RAB27A: variants seen among roughly 807,000 people sequenced by gnomAD.
RAB27A encodes the protein RAB27A, member RAS oncogene family, also known as ras-related protein Rab-27A.
Under a neutral mutation model 20.8 loss-of-function variants are expected in RAB27A, and 17 were observed. That is an observed-to-expected ratio of 0.82 (90% confidence interval 0.56 to 1.23). The LOEUF is 1.23. Ranked by LOEUF, RAB27A falls within the 50% of genes most tolerant of loss-of-function variation. RAB27A has a pLI of 0.00. For synonymous variants in RAB27A, 85 were observed against 92.8 expected (o/e 0.92, Z 0.48); for missense variants, 277 against 266.7 (o/e 1.04, Z -0.27).
rs537157892 is a variant in RAB27A, at chr15:55,306,329, TTAG to T, written c.-112+7707_-112+7709del. 4.6e-5 allele frequency among the ~76,000 whole-genome samples: 7 copies of T among 152,098 alleles called. No individual in the cohort carries two copies. In the South Asian group the frequency reaches 1.5e-3, roughly 32 times the overall value. On this transcript the variant is annotated intron_variant, in intron 2 of 5. Transcript: ENST00000563262. ...GTGCAGAGGGAGGCACATCCAACAGTTAGTAGGGTTTTGGGCCGAGACCTCATG... is the reference window on the plus strand; with the variant it reads ...GTGCAGAGGGAGGCACATCCAACAGTTAGGGTTTTGGGCCGAGACCTCATG...
chr15:55,244,038 C>A lies in RAB27A; in HGVS notation c.-22-9082G>T, dbSNP rs939206228. Among the ~76,000 whole-genome samples the A allele has an allele frequency of 6.6e-5, 10 of 152,260 alleles. No individual in the cohort carries two copies. The East Asian group carries it at 1.9e-3, about 29-fold the overall frequency. On this transcript the variant is annotated intron_variant, in intron 2 of 6. Transcript: ENST00000336787. The stretch of plus-strand genomic sequence containing the variant: ...AAGCTTGGGCGGGCACAGTGGCTCA[C>A]ACCTGTAATCCCAGCACTTTGGGAG...
intron 6 of RAB27A, among the ~76,000 whole-genome samples, chr15:55,218,976 A>T (rs1895440948): frequency 6.6e-6 from 1 of 152,066 alleles, no homozygotes; most frequent in East Asian, 1.9e-4. Flanking sequence ...TCCTGAGCTC[A>T]GGTGATCCAC....
chr15:55,245,337 A>G (rs1007427175), intron 2 of RAB27A, among the ~76,000 whole-genome samples: 1 of 152,200 alleles, frequency 6.6e-6, no homozygotes, highest in African/African-American at 2.4e-5. Context: ...GGAAAAAATG[A>G]TGTTATAAAC....
intron 6 of RAB27A, among the ~76,000 whole-genome samples, chr15:55,210,015 T>C (rs1894900999): frequency 6.9e-6 from 1 of 144,564 alleles, no homozygotes; most frequent in South Asian, 2.1e-4. Flanking sequence ...TACATGTACA[T>C]ATATACGCAT....
chr15:55,234,877 CA>C lies in RAB27A; in HGVS notation c.57del (p.Val20Ter). ...TGGTAAAGTACACTGGTCTTCCCTA[CA>C]CCAGAGTCTCCCAAAGCTAAAAACT... ...LIKFLALGDS[G>X]VGKTSVLYQY... is the part of the protein sequence containing the mutation. On this transcript the variant is annotated frameshift_variant, in exon 3 of 7. Transcript: ENST00000336787. LOFTEE classifies it high-confidence loss of function. 1 of 1,611,972 alleles carries C rather than the reference CA, an allele frequency of 6.2e-7. No individual in the cohort carries two copies. The highest frequency in any genetic ancestry group is 8.5e-7 in the Non-Finnish European group (1 of 1,178,374).
chr15:55,223,357 A>G (rs1326140101), intron 6 of RAB27A, among the ~76,000 whole-genome samples: 1 of 151,796 alleles, frequency 6.6e-6, no homozygotes, highest in Non-Finnish European at 1.5e-5. Flanking sequence ...AAAAATACAA[A>G]AATTAGCCGG....
intron 2 of RAB27A, among the ~76,000 whole-genome samples, chr15:55,251,366 C>A (rs1896883684): frequency 6.6e-6 from 1 of 152,066 alleles, no homozygotes; most frequent in South Asian, 2.1e-4. Flanking sequence ...GGAAATGAGT[C>A]CTGGAAAAAT....
intron 2 of RAB27A, among the ~76,000 whole-genome samples, chr15:55,310,348 G>A (rs1483921025): frequency 2.6e-5 from 4 of 152,148 alleles, no homozygotes; most frequent in African/African-American, 9.7e-5. Flanking sequence ...GGGGCTCTGT[G>A]AGGGTGATGG....
upstream of RAB27A, among the ~76,000 whole-genome samples, chr15:55,291,127 G>A (rs111382553): frequency 1.2e-4 from 18 of 152,252 alleles, no homozygotes; most frequent in African/African-American, 3.9e-4. Flanking sequence ...CAGTAAACTC[G>A]GGTTTAGAGA....
chr15:55,262,036 CAAAA>C (rs75960374), intron 2 of RAB27A, among the ~76,000 whole-genome samples: 2 of 84,088 alleles, frequency 2.4e-5, no homozygotes, highest in Non-Finnish European at 2.6e-5. Context: ...GACTCCATCC[CAAAA>C]AAAAAAAAAA....
intron 1 of RAB27A, among the ~76,000 whole-genome samples, chr15:55,273,779 G>T (rs1397308518): frequency 6.6e-6 from 1 of 152,046 alleles, no homozygotes; most frequent in African/African-American, 2.4e-5. Flanking sequence ...AAGAGAAATA[G>T]ATAACCATAC....
chr15:55,303,082 T>G (rs1430803130), intron 2 of RAB27A, among the ~76,000 whole-genome samples: 12 of 87,506 alleles, frequency 1.4e-4, no homozygotes, highest in East Asian at 3.8e-4. Context: ...GGGAGGGAGG[T>G]GGGGGGGTCA....
chr15:55,309,592 G>A (rs2055011731), intron 2 of RAB27A, among the ~76,000 whole-genome samples: 1 of 152,142 alleles, frequency 6.6e-6, no homozygotes. Context: ...GAGATGTTGG[G>A]TTCAAAGGAT....
At chr15:55,212,530 A>G (rs185517782) in intron 6 of RAB27A, among the ~76,000 whole-genome samples, 1 of 128,698 alleles carries the variant, frequency 7.8e-6, no homozygotes, top group Non-Finnish European at 1.6e-5. Flanking sequence ...AGAGCAACAA[A>G]TCTTTTTTTT....
At chr15:55,292,865 G>C (rs1305844552), upstream of RAB27A, among the ~76,000 whole-genome samples, 3 of 152,180 alleles carry the variant, frequency 2.0e-5, no homozygotes, top group Non-Finnish European at 1.5e-5. Flanking sequence ...AGGGCAATAG[G>C]CTTGTTACAG....
chr15:55,242,191 A>C lies in RAB27A; in HGVS notation c.-22-7235T>G, dbSNP rs537256466. Among the ~76,000 whole-genome samples, 4 of 152,336 alleles carry C rather than the reference A, an allele frequency of 2.6e-5. No homozygotes were observed. The South Asian group carries it at 6.2e-4, about 24-fold the overall frequency. On this transcript the variant is annotated intron_variant, in intron 2 of 6. Coordinates refer to ENST00000336787, the MANE Select transcript of RAB27A (RefSeq NM_183235.3). Reference sequence around the variant, plus strand: ...TTACTCATATTTAGTACAGAGCAAAAGAAAGGGGAGGAATAATATTAACTG... The same window carrying C: ...TTACTCATATTTAGTACAGAGCAAACGAAAGGGGAGGAATAATATTAACTG...
In RAB27A at chr15:55,274,794, T is replaced by TTTTATATATATATATATATA. The variant is rs1491185564; in HGVS notation, c.-142-4511_-142-4510insTATATATATATATATATAAA. ...ATCCGTCCTTAAAAAAATAAATAAA[T>TTTTATATATATATATATATA]TATATATATATATATATATATATAT... is the stretch of plus-strand genomic sequence containing the variant. On this transcript the variant is annotated intron_variant, in intron 1 of 6. Transcript: ENST00000336787. Among the ~76,000 whole-genome samples, 102 of 52,146 alleles carry TTTTATATATATATATATATA rather than the reference T, an allele frequency of 2.0e-3. 2 individuals are homozygous for TTTTATATATATATATATATA. Among genetic ancestry groups the TTTTATATATATATATATATA allele is most frequent in the Non-Finnish European group, 3.2e-3 (74 of 22,980 alleles). The allele number at this position is 52,146 out of a possible 152,430, so 34.2% of individuals were successfully genotyped here. A position where few individuals can be genotyped will look rare whatever the true frequency, so the allele number is the denominator to read the frequency against.
At chr15:55,214,574 C>G (rs17238171) in intron 6 of RAB27A, among the ~76,000 whole-genome samples, 51,988 of 152,182 alleles carry the variant, frequency 0.34, 12,089 homozygotes, top group African/African-American at 0.66. Flanking sequence ...CCTTTTATTT[C>G]CTGACTCTAA....
chr15:55,311,507 C>T (rs1019395188), intron 2 of RAB27A, among the ~76,000 whole-genome samples: 7 of 151,892 alleles, frequency 4.6e-5, no homozygotes, highest in Non-Finnish European at 8.8e-5. Context: ...GTCGAGGGGA[C>T]GCTGGGGTAG....
Sources: gnomAD v4.1 joint callset for allele counts (sites outside exome capture counted in the v4.1 genomes callset) on GRCh38, gnomAD v4.1.1 for gene constraint, MANE v1.5 for transcripts, NCBI Gene and HGNC (gene_info 2026-07-23, HGNC 2026-07-21) for gene names.